Variants in AP3B1 observed in about 807,000 individuals in gnomAD.
AP3B1 encodes the protein AP-3 complex subunit beta-1.
In AP3B1, 61 loss-of-function variants were observed where a neutral mutation model predicts 132.5. The observed-to-expected ratio is 0.46, with a 90% CI of 0.37 to 0.57. The LOEUF (loss-of-function observed/expected upper bound fraction) is 0.57. Among genes scored for constraint, AP3B1 ranks in the 20% least tolerant of loss-of-function variants. The pLI is 0.00. For missense variants in AP3B1, 1,120 were observed against 1,289.4 expected (o/e 0.87, Z 2.01); for synonymous variants, 388 against 438.3 (o/e 0.89, Z 1.43).
intron 22 of AP3B1, among the ~76,000 whole-genome samples, chr5:78,068,413 CA>C (rs2112157500): frequency 6.6e-6 from 1 of 151,912 alleles, no homozygotes; most frequent in Admixed American, 6.6e-5. Context: ...GAGGAAGAAT[CA>C]AATAGATATA....
In AP3B1 at chr5:78,129,134, C is replaced by T; in HGVS notation, c.1824G>A (p.Glu608=). ...TTCTGATAATACCTTTAAAAGGAGA[C>T]TCAAGCAGTGGTGCAGGCTTTTGTG... ...FLAQKPAPLL[E]SPFKDRDHFQ... The change falls in exon 16 of 27, where the codon GAG becomes GAA. Residue 608 remains glutamate (E), a synonymous_variant. Transcript: ENST00000255194. 6.2e-7 allele frequency: 1 copy of T among 1,612,492 alleles called. No individual in the cohort carries two copies. Among genetic ancestry groups the T allele is most frequent in the Non-Finnish European group, 8.5e-7 (1 of 1,179,204 alleles).
chr5:78,113,633 T>A, intron 19 of AP3B1, 119 bp downstream of exon 19: 2 of 1,139,138 alleles, frequency 1.8e-6, no homozygotes, highest in Non-Finnish European at 2.6e-6. Flanking sequence ...AGATTTAATA[T>A]CTGGAAAAAA....
At chr5:78,184,214 A>G (rs557916274) in intron 7 of AP3B1, among the ~76,000 whole-genome samples, 3 of 152,044 alleles carry the variant, frequency 2.0e-5, no homozygotes, top group Non-Finnish European at 2.9e-5. Flanking sequence ...TAGAAGATAT[A>G]AAGACCAAAT....
intron 7 of AP3B1, among the ~76,000 whole-genome samples, chr5:78,184,575 CTA>C (rs1744520196): frequency 6.6e-6 from 1 of 151,698 alleles, no homozygotes; most frequent in Non-Finnish European, 1.5e-5. Flanking sequence ...GTAGTCCCAG[CTA>C]CTCGGGAGGC....
intron 6 of AP3B1, among the ~76,000 whole-genome samples, chr5:78,221,600 G>T (rs1240465334): frequency 4.6e-5 from 7 of 151,812 alleles, no homozygotes; most frequent in African/African-American, 1.4e-4. Context: ...TTTAAAAGGG[G>T]TATTAAAGAA....
intron 1 of AP3B1, among the ~76,000 whole-genome samples, chr5:78,269,017 C>T (rs1580570060): frequency 6.6e-6 from 1 of 152,154 alleles, no homozygotes; most frequent in Non-Finnish European, 1.5e-5. Context: ...ACCATAACAC[C>T]TACTTTACCC....
intron 2 of AP3B1, among the ~76,000 whole-genome samples, chr5:78,252,956 C>T (rs1747703218): frequency 6.6e-6 from 1 of 152,246 alleles, no homozygotes; most frequent in Admixed American, 6.5e-5. Context: ...AGGTCTGACC[C>T]AGCACATAGT....
At chr5:78,199,379 G>C (rs1014508793) in intron 7 of AP3B1, among the ~76,000 whole-genome samples, 3 of 152,240 alleles carry the variant, frequency 2.0e-5, no homozygotes, top group Admixed American at 2.0e-4. Context: ...AGAAATAAGG[G>C]TCCTACTTAT....
intron 17 of AP3B1, among the ~76,000 whole-genome samples, chr5:78,118,744 G>A (rs1344180593): frequency 2.6e-5 from 4 of 152,198 alleles, no homozygotes; most frequent in Non-Finnish European, 5.9e-5. Flanking sequence ...TCCACCTCTG[G>A]GGCCAGGGCA....
chr5:78,086,324 A>G (rs1750250006), intron 22 of AP3B1, among the ~76,000 whole-genome samples: 1 of 152,244 alleles, frequency 6.6e-6, no homozygotes, highest in Admixed American at 6.5e-5. Flanking sequence ...AATGAAAATG[A>G]TAACAGGAAA....
chr5:78,118,943 C>G (rs1752006176), intron 17 of AP3B1, among the ~76,000 whole-genome samples: 1 of 152,202 alleles, frequency 6.6e-6, no homozygotes, highest in South Asian at 2.1e-4. Context: ...TAGACTGACA[C>G]CTCACACGGC....
chr5:78,249,579 C>CTTTTT lies in AP3B1; in HGVS notation c.205-8648_205-8644dup, dbSNP rs71301504. Among the ~76,000 whole-genome samples, 366 of 104,802 alleles carry CTTTTT rather than the reference C, an allele frequency of 3.5e-3. 1 individual carries two copies. The highest frequency in any genetic ancestry group is 4.6e-3 in the Non-Finnish European group (239 of 51,782). The allele number at this position is 104,802 out of a possible 152,430, so 68.8% of individuals were successfully genotyped here. On this transcript the variant is annotated intron_variant, in intron 2 of 26. Coordinates refer to ENST00000255194, the MANE Select transcript of AP3B1 (RefSeq NM_003664.5). ...TCTTCAGAATGATTTTTTTCTTTTT[C>CTTTTT]TTTTTTTTTTTTTTTTTTTTTTGAG...
At chr5:78,106,981 T>C (rs1456609713) in intron 20 of AP3B1, among the ~76,000 whole-genome samples, 2 of 152,168 alleles carry the variant, frequency 1.3e-5, no homozygotes, top group Non-Finnish European at 2.9e-5. Flanking sequence ...AAGTAATTAA[T>C]ATAAATGTTT....
intron 3 of AP3B1, among the ~76,000 whole-genome samples, chr5:78,230,429 C>T (rs771263293): frequency 4.6e-5 from 7 of 152,040 alleles, no homozygotes; most frequent in Non-Finnish European, 4.4e-5. Flanking sequence ...CTATACTATA[C>T]GGGTAGAGTT....
intron 23 of AP3B1, among the ~76,000 whole-genome samples, chr5:78,035,278 T>A (rs1747760529): frequency 1.3e-5 from 2 of 152,012 alleles, no homozygotes; most frequent in Admixed American, 6.6e-5. Context: ...TATGTATATA[T>A]TTGTTTATAT....
chr5:78,160,509 AC>A (rs1430982205), intron 13 of AP3B1, among the ~76,000 whole-genome samples: 3 of 152,094 alleles, frequency 2.0e-5, no homozygotes, highest in South Asian at 2.1e-4. Context: ...TCTTAACAAC[AC>A]ACACACAAAA....
chr5:78,131,327 A>G (rs1441763323), intron 15 of AP3B1, among the ~76,000 whole-genome samples: 1 of 152,026 alleles, frequency 6.6e-6, no homozygotes, highest in Non-Finnish European at 1.5e-5. Context: ...AAAATTGTTG[A>G]CATTTTCAAC....
chr5:78,111,499 C>T (rs549748260), intron 19 of AP3B1, among the ~76,000 whole-genome samples: 13 of 152,030 alleles, frequency 8.6e-5, no homozygotes, highest in African/African-American at 2.7e-4. Context: ...TAAATTATAG[C>T]GTGTCAGGAG....
intron 22 of AP3B1, among the ~76,000 whole-genome samples, chr5:78,045,510 A>C (rs1366601877): frequency 6.6e-6 from 1 of 152,078 alleles, no homozygotes; most frequent in Non-Finnish European, 1.5e-5. Flanking sequence ...CATAGGTGAT[A>C]TTTTGTTCAA....
Sources: gnomAD v4.1 joint callset for allele counts (sites outside exome capture counted in the v4.1 genomes callset) on GRCh38, gnomAD v4.1.1 for gene constraint, MANE v1.5 for transcripts, NCBI Gene and HGNC (gene_info 2026-07-23, HGNC 2026-07-21) for gene names.